ZRANB3: variants seen among roughly 807,000 people sequenced by gnomAD.
ZRANB3 encodes the protein zinc finger RANBP2-type containing 3.
In ZRANB3, 125 loss-of-function variants were observed where a neutral mutation model predicts 133.8. That is an observed-to-expected ratio of 0.93 (90% confidence interval 0.81 to 1.08). ZRANB3 has a LOEUF of 1.08. Among genes scored for constraint, ZRANB3 ranks in the 50% least tolerant of loss-of-function variants. The pLI, the probability that ZRANB3 is intolerant of heterozygous loss-of-function variation, is 0.00. For missense variants in ZRANB3, 1,229 were observed against 1,275.5 expected, an observed-to-expected ratio of 0.96 and a Z score of 0.56; for synonymous variants, 387 against 432.7, an observed-to-expected ratio of 0.89 and a Z score of 1.31.
At chr2:135,206,584 T>TATA (rs1693866964) in intron 19 of ZRANB3, among the ~76,000 whole-genome samples, 1 of 151,844 alleles carries the variant, frequency 6.6e-6, no homozygotes. Context: ...ATAGACTTAG[T>TATA]ATAATTAAGG....
intron 8 of ZRANB3, among the ~76,000 whole-genome samples, chr2:135,277,665 C>G (rs1288205549): frequency 6.6e-6 from 1 of 152,170 alleles, no homozygotes; most frequent in African/African-American, 2.4e-5. Context: ...GGGCTCACGC[C>G]TGTAATCCAA....
rs545160340 is a variant in ZRANB3, at chr2:135,310,038, G to A, written c.966+3451C>T. ...TGCAACCTCCACCTCCTGGGTTCAA[G>A]TGATTCTCCTGTCTCAGCCTCCCGA... On this transcript the variant is annotated intron_variant, in intron 8 of 20. Coordinates refer to ENST00000264159, the MANE Select transcript of ZRANB3 (RefSeq NM_032143.4). 3.2e-4 allele frequency among the ~76,000 whole-genome samples: 48 copies of A among 152,274 alleles called. 1 individual carries two copies. The highest frequency in any genetic ancestry group is 2.9e-3 in the South Asian group (14 of 4,826).
intron 2 of ZRANB3, 61 bp from the exon 3 acceptor site, chr2:135,390,881 A>G: frequency 2.8e-6 from 4 of 1,416,238 alleles, no homozygotes; most frequent in Non-Finnish European, 3.7e-6. Context: ...TTTTTTTTTG[A>G]GATGGAGTCT....
intron 12 of ZRANB3, among the ~76,000 whole-genome samples, chr2:135,262,110 A>G (rs1269890619): frequency 1.3e-5 from 2 of 148,170 alleles, no homozygotes; most frequent in East Asian, 4.2e-4. Context: ...CAGTGAGCCA[A>G]GATTGTGCCA....
chr2:135,257,077 A>C (rs1192540277), intron 12 of ZRANB3, among the ~76,000 whole-genome samples: 1 of 152,218 alleles, frequency 6.6e-6, no homozygotes, highest in East Asian at 1.9e-4. Context: ...ACCCTGGAAA[A>C]CTCATGACTA....
intron 2 of ZRANB3, among the ~76,000 whole-genome samples, chr2:135,391,362 G>A (rs1687223364): frequency 6.6e-6 from 1 of 152,138 alleles, no homozygotes; most frequent in African/African-American, 2.4e-5. Flanking sequence ...GCCCACCCAT[G>A]AAGATAGTTA....
At chr2:135,344,662 C>G (rs897846824) in intron 6 of ZRANB3, among the ~76,000 whole-genome samples, 1 of 152,028 alleles carries the variant, frequency 6.6e-6, no homozygotes, top group African/African-American at 2.4e-5. Context: ...GCTTGAACAT[C>G]GGAAGCGGAG....
At chr2:135,288,908 GTT>G (rs1491150933) in intron 8 of ZRANB3, among the ~76,000 whole-genome samples, 1 of 147,254 alleles carries the variant, frequency 6.8e-6, no homozygotes, top group Non-Finnish European at 1.5e-5. Flanking sequence ...GTGTGTGTGT[GTT>G]GTTTCAATTT....
At chr2:135,494,326 AAAG>A (rs1231002546) in intron 2 of ZRANB3, among the ~76,000 whole-genome samples, 1 of 150,758 alleles carries the variant, frequency 6.6e-6, no homozygotes, top group Non-Finnish European at 1.5e-5. Flanking sequence ...AAAAAAAAGA[AAAG>A]AAAAAAGAAG....
chr2:135,280,270 T>G (rs1223658227), intron 8 of ZRANB3, among the ~76,000 whole-genome samples: 1 of 152,196 alleles, frequency 6.6e-6, no homozygotes, highest in Admixed American at 6.5e-5. Context: ...CATTATATCT[T>G]ATTTAAAAAA....
intron 2 of ZRANB3, among the ~76,000 whole-genome samples, chr2:135,453,335 G>A (rs183972589): frequency 6.6e-6 from 1 of 152,322 alleles, no homozygotes; most frequent in African/African-American, 2.4e-5. Context: ...TTTCTCCATG[G>A]TCTTTTGGAT....
intron 12 of ZRANB3, among the ~76,000 whole-genome samples, chr2:135,259,656 G>C (rs1369860840): frequency 6.6e-6 from 1 of 151,944 alleles, no homozygotes; most frequent in Non-Finnish European, 1.5e-5. Flanking sequence ...GACCTCAGCT[G>C]ATCCGCCCGC....
At chr2:135,504,015 A>C (rs960686406) in intron 2 of ZRANB3, among the ~76,000 whole-genome samples, 2 of 152,184 alleles carry the variant, frequency 1.3e-5, no homozygotes, top group Non-Finnish European at 2.9e-5. Flanking sequence ...AAAACGATGG[A>C]AATAAGTTGA....
chr2:135,232,552 G>T (rs1695081791), intron 12 of ZRANB3, among the ~76,000 whole-genome samples: 1 of 152,230 alleles, frequency 6.6e-6, no homozygotes, highest in African/African-American at 2.4e-5. Context: ...CCCAGTAGGG[G>T]CAGACTGACA....
intron 12 of ZRANB3, among the ~76,000 whole-genome samples, chr2:135,265,197 A>T (rs902481617): frequency 6.6e-6 from 1 of 152,136 alleles, no homozygotes; most frequent in Non-Finnish European, 1.5e-5. Context: ...TGTGATTTCG[A>T]TATACTCAAA....
chr2:135,336,067 A>G (rs1413346668), intron 6 of ZRANB3, among the ~76,000 whole-genome samples: 6 of 152,176 alleles, frequency 3.9e-5, no homozygotes, highest in Non-Finnish European at 7.3e-5. Context: ...TCTCCAAATC[A>G]TATTTGTATT....
intron 2 of ZRANB3, among the ~76,000 whole-genome samples, chr2:135,408,135 AC>A (rs1392950012): frequency 6.6e-6 from 1 of 151,782 alleles, no homozygotes; most frequent in Non-Finnish European, 1.5e-5. Context: ...CAAGAAAAAA[AC>A]AAACAACCCC....
intron 2 of ZRANB3, among the ~76,000 whole-genome samples, chr2:135,439,736 T>C (rs1323654577): frequency 6.6e-6 from 1 of 152,218 alleles, no homozygotes; most frequent in Non-Finnish European, 1.5e-5. Flanking sequence ...TAGCTTTCCC[T>C]GCCAGCAAAG....
chr2:135,271,340 A>AT, intron 10 of ZRANB3: 1 of 471,742 alleles, frequency 2.1e-6, no homozygotes, highest in South Asian at 1.5e-5. Flanking sequence ...GAAGCACTCC[A>AT]TAAAAAGTCC....
Sources: allele counts gnomAD v4.1 joint callset (sites outside exome capture counted in the v4.1 genomes callset), GRCh38; gene constraint gnomAD v4.1.1; transcripts MANE v1.5; gene names NCBI Gene and HGNC (gene_info 2026-07-23, HGNC 2026-07-21).